MSRA: variants seen among roughly 807,000 people sequenced by gnomAD.
The protein encoded by MSRA is mitochondrial peptide methionine sulfoxide reductase.
In MSRA, 54 loss-of-function variants were observed where a neutral mutation model predicts 31.3. The observed-to-expected ratio is 1.73, with a 90% CI of 1.39 to 2.17. The LOEUF (loss-of-function observed/expected upper bound fraction) is 2.17, where lower values mean the gene tolerates loss of function less well. MSRA is among the 30% of genes most tolerant of loss of function. The probability of loss-of-function intolerance (pLI) is 0.00; values close to 1 mark genes in which losing one functional copy is unlikely to be tolerated. For missense variants in MSRA, 507 were observed against 300.9 expected (o/e 1.69, Z -5.07); for synonymous variants, 169 against 116.5 (o/e 1.45, Z -2.90).
At position 10,422,845 on chromosome 8, in the gene MSRA, C is replaced by T. The variant is rs188139914; in HGVS notation, c.544-5303C>T. On this transcript the variant is annotated intron_variant, in intron 5 of 5. Coordinates refer to ENST00000317173, the MANE Select transcript of MSRA (RefSeq NM_012331.5). ...AGCACCTCTTTCCAGGCTTTTGAAC[C>T]AATCTAGGCAGTTACTTCAACCAGG... Among the ~76,000 whole-genome samples the T allele has an allele frequency of 6.0e-3, 912 of 152,294 alleles. 5 individuals are homozygous for T. Among genetic ancestry groups the T allele is most frequent in the Middle Eastern group, 0.017 (5 of 294 alleles).
intron 2 of MSRA, among the ~76,000 whole-genome samples, chr8:10,227,196 C>T (rs1037629669): frequency 3.3e-5 from 5 of 152,040 alleles, no homozygotes; most frequent in African/African-American, 4.8e-5. Context: ...TTGGTGACGA[C>T]GAGGCCCGTG....
intron 5 of MSRA, among the ~76,000 whole-genome samples, chr8:10,408,228 G>A (rs1807940258): frequency 6.6e-6 from 1 of 152,150 alleles, no homozygotes; most frequent in Non-Finnish European, 1.5e-5. Context: ...CTTTACATCT[G>A]CATAGTGACA....
chr8:10,426,933 C>T (rs980854799), intron 5 of MSRA, among the ~76,000 whole-genome samples: 2 of 152,170 alleles, frequency 1.3e-5, no homozygotes, highest in African/African-American at 4.8e-5. Context: ...CTAACCCACC[C>T]GTCTTGGCGG....
intron 1 of MSRA, among the ~76,000 whole-genome samples, chr8:10,061,131 A>G (rs1427287113): frequency 1.3e-5 from 2 of 152,154 alleles, no homozygotes; most frequent in South Asian, 2.1e-4. Flanking sequence ...ACCTCCCACA[A>G]TGTGATCCTT....
chr8:10,388,403 T>G (rs988818839), intron 5 of MSRA, among the ~76,000 whole-genome samples: 50 of 152,354 alleles, frequency 3.3e-4, no homozygotes, highest in African/African-American at 9.9e-4. Context: ...AAAATTTCCC[T>G]TACGAAAGGG....
At position 10,230,335 on chromosome 8, in the gene MSRA, C is replaced by T. The variant is rs555868430; in HGVS notation, c.212-14769C>T. Among the ~76,000 whole-genome samples, 3 of 152,274 alleles carry T rather than the reference C, an allele frequency of 2.0e-5. No homozygotes were observed. In the East Asian group the frequency reaches 5.8e-4, roughly 29 times the overall value. The stretch of plus-strand genomic sequence containing the variant: ...GGAGAAGGTTATACCGGAAATGGCA[C>T]TGGGTGGATGGGCAGGGTTTCCTCA... On this transcript the variant is annotated intron_variant, in intron 2 of 5. Coordinates refer to ENST00000317173, the MANE Select transcript of MSRA (RefSeq NM_012331.5).
intron 3 of MSRA, among the ~76,000 whole-genome samples, chr8:10,294,669 G>A (rs1277671283): frequency 6.6e-6 from 1 of 152,190 alleles, no homozygotes; most frequent in Non-Finnish European, 1.5e-5. Flanking sequence ...TGGTAGGGAC[G>A]TGGGGGAACA....
At chr8:10,391,872 G>A (rs557891765) in intron 5 of MSRA, among the ~76,000 whole-genome samples, 10 of 152,210 alleles carry the variant, frequency 6.6e-5, no homozygotes, top group Non-Finnish European at 1.5e-4. Flanking sequence ...TCCTAGGGAC[G>A]TTTCTTCATG....
chr8:10,329,840 AAG>A (rs1324702567), intron 5 of MSRA, among the ~76,000 whole-genome samples: 1 of 151,706 alleles, frequency 6.6e-6, no homozygotes, highest in African/African-American at 2.4e-5. Context: ...TCTAGTTTTG[AAG>A]AGAGGTGAAA....
rs979483927 is a variant in MSRA, at chr8:10,170,149, G to A, written c.143-37684G>A. On this transcript the variant is annotated intron_variant, in intron 1 of 5. Coordinates refer to ENST00000317173, the MANE Select transcript of MSRA (RefSeq NM_012331.5). Reference sequence around the variant, plus strand: ...GATCTGCCCACTTTGGCCTCCCAAAGTGCTGGGATTACAGACGTGAGCCAC... The same window carrying A: ...GATCTGCCCACTTTGGCCTCCCAAAATGCTGGGATTACAGACGTGAGCCAC... Among the ~76,000 whole-genome samples, 3 of 149,708 alleles carry A rather than the reference G, an allele frequency of 2.0e-5. No individual in the cohort carries two copies. The South Asian group carries it at 6.3e-4, about 32-fold the overall frequency.
At chr8:10,134,403 G>A (rs1019732487) in intron 1 of MSRA, among the ~76,000 whole-genome samples, 5 of 152,204 alleles carry the variant, frequency 3.3e-5, no homozygotes, top group African/African-American at 4.8e-5. Context: ...CTGCAGATAC[G>A]TGCCTGTCCT....
chr8:10,388,492 G>C (rs1259327488), intron 5 of MSRA, among the ~76,000 whole-genome samples: 1 of 152,170 alleles, frequency 6.6e-6, no homozygotes, highest in East Asian at 1.9e-4. Context: ...TCATGCCAAA[G>C]AGGCATATTT....
intron 1 of MSRA, among the ~76,000 whole-genome samples, chr8:10,204,918 A>G (rs989815484): frequency 1.4e-4 from 21 of 152,218 alleles, no homozygotes; most frequent in African/African-American, 5.1e-4. Flanking sequence ...GTCTACTGAT[A>G]GATGCAGTCC....
At chr8:10,243,046 T>C (rs1245111046) in intron 2 of MSRA, among the ~76,000 whole-genome samples, 1 of 152,192 alleles carries the variant, frequency 6.6e-6, no homozygotes, top group Non-Finnish European at 1.5e-5. Context: ...ATGTTTTGCT[T>C]GGTTTGGCCA....
intron 5 of MSRA, among the ~76,000 whole-genome samples, chr8:10,365,713 C>A (rs568195994): frequency 6.6e-6 from 1 of 152,220 alleles, no homozygotes; most frequent in East Asian, 1.9e-4. Context: ...AAGGGATCAC[C>A]TCCTAATCCC....
chr8:10,092,584 G>A (rs1798911315), intron 1 of MSRA, among the ~76,000 whole-genome samples: 1 of 152,122 alleles, frequency 6.6e-6, no homozygotes, highest in South Asian at 2.1e-4. Context: ...CTTGAATCCA[G>A]GAAGTGGAGG....
At chr8:10,069,499 G>A (rs1187967512) in intron 1 of MSRA, among the ~76,000 whole-genome samples, 2 of 152,218 alleles carry the variant, frequency 1.3e-5, no homozygotes, top group Admixed American at 6.5e-5. Context: ...TCCGGAGGCT[G>A]GCAAGTCCAT....
At chr8:10,346,356 C>G (rs1023197463) in intron 5 of MSRA, among the ~76,000 whole-genome samples, 1 of 152,202 alleles carries the variant, frequency 6.6e-6, no homozygotes, top group Non-Finnish European at 1.5e-5. Context: ...AAGGTCCTCT[C>G]TAACATGGCT....
intron 5 of MSRA, among the ~76,000 whole-genome samples, chr8:10,420,157 A>T (rs1369578590): frequency 6.6e-6 from 1 of 152,238 alleles, no homozygotes; most frequent in Non-Finnish European, 1.5e-5. Context: ...GCTTGAAGAC[A>T]TTAAGTGAAA....
Sources: allele counts gnomAD v4.1 joint callset (sites outside exome capture counted in the v4.1 genomes callset), GRCh38; gene constraint gnomAD v4.1.1; transcripts MANE v1.5; gene names NCBI Gene and HGNC (gene_info 2026-07-23, HGNC 2026-07-21).